Variants in CCNL2 observed in about 807,000 individuals in gnomAD.
The protein encoded by CCNL2 is cyclin L2.
Under a neutral mutation model 59.1 loss-of-function variants are expected in CCNL2, and 28 were observed. The observed-to-expected ratio is 0.47, with a 90% CI of 0.35 to 0.65. CCNL2 has a LOEUF of 0.65. Among genes scored for constraint, CCNL2 ranks in the 30% least tolerant of loss-of-function variants. The probability of loss-of-function intolerance (pLI) is 0.00; values close to 1 mark genes in which losing one functional copy is unlikely to be tolerated. For synonymous variants in CCNL2, 342 were observed against 288.6 expected (o/e 1.19, Z -1.88); for missense variants, 714 against 717.4 (o/e 1.00, Z 0.05).
intron 10 of CCNL2, 88 bp downstream of exon 10, chr1:1,387,689 C>G: frequency 6.9e-7 from 1 of 1,445,974 alleles, no homozygotes; most frequent in Non-Finnish European, 9.4e-7. Flanking sequence ...TTTAGAGAAA[C>G]AAGAAACCAC....
intron 4 of CCNL2, 125 bp downstream of exon 4, chr1:1,395,269 T>C: frequency 1.0e-6 from 1 of 1,002,126 alleles, no homozygotes; most frequent in Non-Finnish European, 1.4e-6. Context: ...AAATAGAAAC[T>C]GGAAAGCCAA....
chr1:1,394,660 G>C (rs1443788766), intron 4 of CCNL2, among the ~76,000 whole-genome samples: 2 of 146,172 alleles, frequency 1.4e-5, no homozygotes, highest in Non-Finnish European at 3.0e-5. Context: ...TGAGGCACAA[G>C]AATCACTTGA....
intron 4 of CCNL2, among the ~76,000 whole-genome samples, chr1:1,394,241 C>G (rs1357053227): frequency 6.6e-6 from 1 of 151,908 alleles, no homozygotes; most frequent in Non-Finnish European, 1.5e-5. Context: ...GAGATGGAAC[C>G]AAAGATGGAA....
intron 3 of CCNL2, among the ~76,000 whole-genome samples, chr1:1,396,428 A>G (rs1645025548): frequency 6.6e-6 from 1 of 150,662 alleles, no homozygotes; most frequent in African/African-American, 2.4e-5. Context: ...CACCACGACC[A>G]GCTAATTTTA....
chr1:1,397,987 C>T (rs932759771), intron 3 of CCNL2, among the ~76,000 whole-genome samples: 1 of 152,190 alleles, frequency 6.6e-6, no homozygotes, highest in African/African-American at 2.4e-5. Flanking sequence ...ATGGGTAAAG[C>T]AGGAAGCCAG....
In CCNL2 at chr1:1,390,945, T is replaced by C. The variant is rs1412549040; in HGVS notation, c.660-80A>G. The C allele has an allele frequency of 2.5e-6, 3 of 1,203,726 alleles. No individual in the cohort carries two copies. In the South Asian group the frequency reaches 3.7e-5, roughly 15 times the overall value. 74.6% of individuals were successfully genotyped at this position (1,203,726 alleles called of 1,614,324 possible). On this transcript the variant is annotated intron_variant, in intron 5 of 10. Coordinates refer to ENST00000400809, the MANE Select transcript of CCNL2 (RefSeq NM_030937.6). The stretch of plus-strand genomic sequence containing the variant: ...CCGCCTGCATTATCTAGAGAAAATC[T>C]AGATAAACGTACTACTCCTCTAAGG...
Position 1,399,024 on chromosome 1 carries a change from G to A in CCNL2, c.283C>T (p.Pro95Ser). ...GCTCGCGGCCGCGCCCTCACCTGCGGCAGGCGGAGCAGGATACCGGCCGCC... is the reference window on the plus strand; with the variant it reads ...GCTCGCGGCCGCGCCCTCACCTGCGACAGGCGGAGCAGGATACCGGCCGCC... ...IQAAGILLRL[P>S]QVAMATGQVL... The change falls in exon 1 of 11, where the codon CCG (proline) becomes TCG (serine). Residue 95 changes from proline (P) to serine (S), a missense_variant. By Grantham distance (74) the Pro-to-Ser change is moderately conservative (BLOSUM62 -1). This residue lies in a region of CCNL2 where 270 missense variants were observed against 254.9 expected (regional missense o/e 1.06). Coordinates refer to ENST00000400809, the MANE Select transcript of CCNL2 (RefSeq NM_030937.6). 1 of 1,566,684 alleles carries A rather than the reference G, an allele frequency of 6.4e-7. No homozygotes were observed. The highest frequency in any genetic ancestry group is 8.6e-7 in the Non-Finnish European group (1 of 1,162,276).
intron 8 of CCNL2, 31 bp downstream of exon 8, chr1:1,390,199 G>A: frequency 6.3e-7 from 1 of 1,576,446 alleles, no homozygotes; most frequent in Non-Finnish European, 8.7e-7. Context: ...GCCTTTGTGG[G>A]GAGTGGATTC....
In CCNL2 at chr1:1,390,286, G is replaced by A. The variant is rs1464648534; in HGVS notation, c.950C>T (p.Pro317Leu). The A allele has an allele frequency of 6.2e-7, 1 of 1,613,878 alleles. No homozygotes were observed. Among genetic ancestry groups the A allele is most frequent in the East Asian group, 2.2e-5 (1 of 44,864 alleles). Reference protein sequence around the residue: ...EAKAQARGLLPGGTQVLDGTS... With the variant: ...EAKAQARGLLLGGTQVLDGTS... The stretch of plus-strand genomic sequence containing the variant: ...ACCATCCAGCACCTGTGTGCCCCCA[G>A]GCAACAGGCCCCGGGCTTGGGCCTT... The change falls in exon 8 of 11, where the codon CCT becomes CTT. Residue 317 changes from proline to leucine, a missense_variant. Pro to Leu is a moderately conservative substitution (Grantham distance 98, BLOSUM62 -3). Transcript: ENST00000400809.
At chr1:1,393,591 C>T (rs11485864) in intron 4 of CCNL2, 131 bp from the exon 5 acceptor site, 33,590 of 765,160 alleles carry the variant, frequency 0.044, 1,545 homozygotes, top group African/African-American at 0.16. Context: ...ACACGTCTGG[C>T]GGACGGCTCA....
chr1:1,393,858 G>A (rs1335051198), intron 4 of CCNL2, among the ~76,000 whole-genome samples: 1 of 152,216 alleles, frequency 6.6e-6, no homozygotes, highest in African/African-American at 2.4e-5. Context: ...CAGGCACACT[G>A]GCTCATGCCT....
chr1:1,398,297 CCTCTT>C lies in CCNL2; in HGVS notation c.404_408del (p.Glu135GlyfsTer35). 6.2e-7 allele frequency: 1 copy of C among 1,614,180 alleles called. No individual in the cohort carries two copies. The highest frequency in any genetic ancestry group is 1.1e-5 in the South Asian group (1 of 91,084). On this transcript the variant is annotated frameshift_variant, in exon 3 of 11. Transcript: ENST00000400809. LOFTEE classifies it high-confidence loss of function. ...ATGACGTCCCGTATGCGTCTTGGGG[CCTCTT>C]CTATCTTGGAAGCCAGGTGGACACA...
rs552480405 is a variant in CCNL2, at chr1:1,394,733, G to C, written c.594+661C>G. Reference sequence around the variant, plus strand: ...CCACTGCACTCCAGCCTGCATGACAGAGTAAGACTCCGTCTCAAGAAAAAA... The same window carrying C: ...CCACTGCACTCCAGCCTGCATGACACAGTAAGACTCCGTCTCAAGAAAAAA... On this transcript the variant is annotated intron_variant, in intron 4 of 10. Transcript: ENST00000400809. Among the ~76,000 whole-genome samples, 5 of 121,552 alleles carry C rather than the reference G, an allele frequency of 4.1e-5. No homozygotes were observed. The South Asian group carries it at 1.5e-3, about 36-fold the overall frequency. The allele number at this position is 121,552 out of a possible 152,430, so 79.7% of individuals were successfully genotyped here.
intron 4 of CCNL2, 143 bp from the exon 5 acceptor site, chr1:1,393,603 C>G (rs1471780320): frequency 7.1e-6 from 5 of 706,974 alleles, no homozygotes; most frequent in African/African-American, 5.3e-5. Flanking sequence ...GACGGCTCAG[C>G]TGGAGGGAGC....
intron 5 of CCNL2, chr1:1,392,631 G>A (rs1045116117): frequency 3.4e-6 from 5 of 1,463,814 alleles, no homozygotes; most frequent in South Asian, 2.8e-5. Flanking sequence ...AAGCACAATC[G>A]TCAGAGAACC....
chr1:1,397,506 C>G (rs1190438952), intron 3 of CCNL2, among the ~76,000 whole-genome samples: 3 of 152,120 alleles, frequency 2.0e-5, no homozygotes, highest in African/African-American at 7.2e-5. Flanking sequence ...CTCCTGTCAT[C>G]CAGTGAGTCG....
At chr1:1,395,228 C>T (rs1011081003) in intron 4 of CCNL2, 166 bp downstream of exon 4, 20 of 613,438 alleles carry the variant, frequency 3.3e-5, no homozygotes, top group Admixed American at 2.6e-4. Context: ...CACTAGAAGA[C>T]GAATACGTCA....
intron 3 of CCNL2, among the ~76,000 whole-genome samples, chr1:1,396,647 C>T (rs1645046742): frequency 7.2e-6 from 1 of 138,300 alleles, no homozygotes; most frequent in Non-Finnish European, 1.5e-5. Flanking sequence ...ATGGCACAAT[C>T]TCAGCTCACT....
chr1:1,387,791 C>G lies in CCNL2; in HGVS notation c.1197G>C (p.Ala399=). ...QSYSRSPSRS[A]SPKRRKSDSG... is the part of the protein sequence containing the mutation. ...GAGGCACACACCTCCTCTTAGGAGACGCTGATCGGGATGGGGACCTCGAGT... is the reference window on the plus strand; with the variant it reads ...GAGGCACACACCTCCTCTTAGGAGAGGCTGATCGGGATGGGGACCTCGAGT... Residue 399 remains alanine, a synonymous_variant, in exon 10 of 11, where the codon GCG becomes GCC. Transcript: ENST00000400809. 1 of 1,612,402 alleles carries G rather than the reference C, an allele frequency of 6.2e-7. No homozygotes were observed. Among genetic ancestry groups the G allele is most frequent in the South Asian group, 1.1e-5 (1 of 90,726 alleles).
Sources: allele counts gnomAD v4.1 joint callset (sites outside exome capture counted in the v4.1 genomes callset), GRCh38; gene constraint gnomAD v4.1.1; regional missense constraint gnomAD v4.1.1; transcripts MANE v1.5; gene names NCBI Gene and HGNC (gene_info 2026-07-23, HGNC 2026-07-21).